The following GPHN variants were observed in gnomAD, a reference collection of about 807,000 sequenced individuals.
GPHN encodes the protein gephyrin.
A neutral mutation model predicts 95.5 loss-of-function variants in GPHN; 17 were observed. The observed-to-expected ratio is 0.18, with a 90% CI of 0.12 to 0.27. The LOEUF (loss-of-function observed/expected upper bound fraction) is 0.27. GPHN is among the 10% of genes least tolerant of loss of function. The pLI, the probability that GPHN is intolerant of heterozygous loss-of-function variation, is 1.00. For synonymous variants in GPHN, 320 were observed against 322.5 expected (o/e 0.99, Z 0.08); for missense variants, 660 against 978.1 (o/e 0.67, Z 4.34).
intron 1 of GPHN, among the ~76,000 whole-genome samples, chr14:66,545,856 C>T (rs1365806893): frequency 2.7e-5 from 4 of 147,020 alleles, no homozygotes; most frequent in Admixed American, 6.7e-5. Flanking sequence ...GCTGGCCAGG[C>T]GGGGGGCTGA....
chr14:67,709,564 T>C, the GPHN span, among the ~76,000 whole-genome samples: 1 of 152,216 alleles, frequency 6.6e-6, no homozygotes, highest in African/African-American at 2.4e-5. Context: ...ACAGAACTTG[T>C]TTTATCTCTT....
the GPHN span, chr14:67,571,425 C>T: frequency 4.1e-6 from 1 of 246,188 alleles, no homozygotes; most frequent in Non-Finnish European, 8.1e-6. Context: ...ATTTTTAAAG[C>T]TCGCATGGCA....
intron 10 of GPHN, among the ~76,000 whole-genome samples, chr14:67,049,145 G>C (rs1263495642): frequency 2.0e-5 from 3 of 151,802 alleles, no homozygotes; most frequent in Non-Finnish European, 4.4e-5. Flanking sequence ...ACAAACTTCT[G>C]TTCTACAGTC....
At chr14:66,732,817 G>A (rs1486482502) in intron 2 of GPHN, among the ~76,000 whole-genome samples, 2 of 152,098 alleles carry the variant, frequency 1.3e-5, no homozygotes, top group African/African-American at 2.4e-5. Context: ...ATCTGGCCTT[G>A]TTTTTTATTT....
At chr14:67,117,424 G>A (rs2078754273) in intron 16 of GPHN, among the ~76,000 whole-genome samples, 2 of 152,170 alleles carry the variant, frequency 1.3e-5, no homozygotes, top group Non-Finnish European at 2.9e-5. Flanking sequence ...CCAGAGTTAT[G>A]CCTGGAGATA....
At chr14:67,272,952 G>A in the GPHN span, among the ~76,000 whole-genome samples, 2 of 152,084 alleles carry the variant, frequency 1.3e-5, no homozygotes, top group African/African-American at 4.8e-5. Flanking sequence ...GGAATTACAG[G>A]CGTGAGCCAC....
chr14:67,135,285 G>A (rs1042197864), intron 17 of GPHN, among the ~76,000 whole-genome samples: 21 of 151,918 alleles, frequency 1.4e-4, no homozygotes, highest in African/African-American at 4.8e-4. Context: ...TTTTTATAAA[G>A]GACTGTGTGT....
At chr14:67,585,382 C>T in the GPHN span, 1 of 574,524 alleles carries the variant, frequency 1.7e-6, no homozygotes, top group Non-Finnish European at 3.1e-6. Context: ...CCAAGGGTCT[C>T]CTGTCACAAG....
chr14:67,490,004 A>ATT, the GPHN span, among the ~76,000 whole-genome samples: 293 of 151,770 alleles, frequency 1.9e-3, no homozygotes, highest in Non-Finnish European at 3.2e-3. Context: ...AAAAAAAAAA[A>ATT]ATTCTGTCTA....
At chr14:66,851,112 T>G (rs2062562107) in intron 4 of GPHN, among the ~76,000 whole-genome samples, 1 of 152,018 alleles carries the variant, frequency 6.6e-6, no homozygotes, top group African/African-American at 2.4e-5. Context: ...ACTGGCACTG[T>G]TTTTGTTGTT....
At chr14:67,121,513 A>G (rs1010895662) in intron 16 of GPHN, among the ~76,000 whole-genome samples, 5 of 152,174 alleles carry the variant, frequency 3.3e-5, no homozygotes, top group Non-Finnish European at 7.4e-5. Context: ...TGAGAAAATT[A>G]CGACAAAGAA....
chr14:66,744,519 TTAGAG>T (rs66752460), intron 2 of GPHN, among the ~76,000 whole-genome samples: 24,408 of 152,116 alleles, frequency 0.16, 2,240 homozygotes, highest in Non-Finnish European at 0.21. Context: ...AGTCTAATGT[TTAGAG>T]TAAACAGTGA....
intron 2 of GPHN, among the ~76,000 whole-genome samples, chr14:66,722,046 C>T (rs1407306040): frequency 1.3e-5 from 2 of 150,308 alleles, no homozygotes; most frequent in African/African-American, 2.4e-5. Context: ...TAGAATCACA[C>T]ATCATTATAA....
At chr14:67,456,337 C>A in the GPHN span, among the ~76,000 whole-genome samples, 1 of 152,154 alleles carries the variant, frequency 6.6e-6, no homozygotes, top group Non-Finnish European at 1.5e-5. Context: ...CGGTGGCTCA[C>A]GCCTGAAATC....
chr14:67,229,581 C>A, the GPHN span, among the ~76,000 whole-genome samples: 1 of 152,086 alleles, frequency 6.6e-6, no homozygotes, highest in Non-Finnish European at 1.5e-5. Flanking sequence ...TTCACTTCAA[C>A]TGTTGAAAAT....
the GPHN span, among the ~76,000 whole-genome samples, chr14:67,550,039 G>A: frequency 1.3e-5 from 2 of 152,074 alleles, no homozygotes; most frequent in Non-Finnish European, 2.9e-5. Context: ...CTGGGGTTGT[G>A]GGGTACAGTG....
At chr14:67,328,511 G>C in the GPHN span, among the ~76,000 whole-genome samples, 2 of 152,132 alleles carry the variant, frequency 1.3e-5, no homozygotes, top group East Asian at 3.9e-4. Context: ...TTTGAGTTTT[G>C]TTGCCATTGC....
At chr14:66,868,466 T>C (rs893474217) in intron 4 of GPHN, among the ~76,000 whole-genome samples, 8 of 152,222 alleles carry the variant, frequency 5.3e-5, no homozygotes, top group Non-Finnish European at 8.8e-5. Context: ...CGATTTCGGC[T>C]CACTGCAGCC....
intron 1 of GPHN, among the ~76,000 whole-genome samples, chr14:66,666,474 C>T (rs960615040): frequency 6.6e-6 from 1 of 151,408 alleles, no homozygotes; most frequent in Non-Finnish European, 1.5e-5. Flanking sequence ...AAACTTGGTT[C>T]ATCATTGCAA....
Sources: gnomAD v4.1 joint callset for allele counts (sites outside exome capture counted in the v4.1 genomes callset) on GRCh38, gnomAD v4.1.1 for gene constraint, MANE v1.5 for transcripts, NCBI Gene and HGNC (gene_info 2026-07-23, HGNC 2026-07-21) for gene names.